The following PLXNA4 variants were observed in gnomAD, a reference collection of about 807,000 sequenced individuals.
PLXNA4 encodes plexin-A4.
Under a neutral mutation model 191.8 loss-of-function variants are expected in PLXNA4, and 44 were observed. The ratio of observed to expected loss-of-function variants is 0.23; its 90% CI spans 0.18 to 0.29. The LOEUF is 0.29. Ranked by LOEUF, PLXNA4 falls within the 10% of genes least tolerant of loss-of-function variation. The probability of loss-of-function intolerance (pLI) is 1.00; values close to 1 mark genes in which losing one functional copy is unlikely to be tolerated. For synonymous variants in PLXNA4, 1,082 were observed against 1,009.5 expected, an observed-to-expected ratio of 1.07 and a Z score of -1.36; for missense variants, 1,800 against 2,488.8, an observed-to-expected ratio of 0.72 and a Z score of 5.89.
At chr7:132,151,296 AGAAGGAGGAGGAAGAAG>A (rs1795597999) in intron 25 of PLXNA4, among the ~76,000 whole-genome samples, 4 of 55,522 alleles carry the variant, frequency 7.2e-5, no homozygotes, top group African/African-American at 1.9e-4. Flanking sequence ...AGGAGGAAGA[AGAAGGAGGAGGAAGAAG>A]GAGGAGGAGG....
chr7:132,491,784 C>G (rs1039349017), intron 2 of PLXNA4, among the ~76,000 whole-genome samples: 3 of 152,124 alleles, frequency 2.0e-5, no homozygotes, highest in African/African-American at 7.2e-5. Context: ...GTCAAATTTA[C>G]AAGGGAGTGT....
chr7:132,581,425 A>C (rs1465741592), upstream of PLXNA4, among the ~76,000 whole-genome samples: 1 of 152,128 alleles, frequency 6.6e-6, no homozygotes, highest in African/African-American at 2.4e-5. Flanking sequence ...CTCAGATAAA[A>C]CTTTGGCCAC....
intron 22 of PLXNA4, among the ~76,000 whole-genome samples, chr7:132,167,637 G>C (rs1047612645): frequency 6.6e-6 from 1 of 152,074 alleles, no homozygotes; most frequent in Non-Finnish European, 1.5e-5. Flanking sequence ...AGGGCTTAAA[G>C]GATCCTCCTA....
chr7:132,399,625 A>T (rs1479920432), intron 3 of PLXNA4, among the ~76,000 whole-genome samples: 1 of 152,242 alleles, frequency 6.6e-6, no homozygotes, highest in East Asian at 1.9e-4. Flanking sequence ...GCAGGGCTAC[A>T]GTGAGTTTGC....
chr7:132,263,196 G>A (rs1799716929), intron 4 of PLXNA4, among the ~76,000 whole-genome samples: 1 of 152,178 alleles, frequency 6.6e-6, no homozygotes, highest in Non-Finnish European at 1.5e-5. Context: ...AGTTGGCAGA[G>A]ATGCAAAATG....
In PLXNA4 at chr7:132,518,750, C is replaced by T. The variant is rs923256748; in HGVS notation, c.-86-9971G>A. Among the ~76,000 whole-genome samples, 7 of 152,316 alleles carry T rather than the reference C, an allele frequency of 4.6e-5. No homozygotes were observed. In the East Asian group the frequency reaches 9.7e-4, roughly 21 times the overall value. On this transcript the variant is annotated intron_variant, in intron 1 of 31. Coordinates refer to ENST00000321063, the MANE Select transcript of PLXNA4 (RefSeq NM_020911.2). ...GGACCCAGCCTGGAAGAAGCCTCTG[C>T]AGGAGGCTGAGCCTGTGAGCCTCTC...
At chr7:132,355,422 CA>C (rs1378930656) in intron 3 of PLXNA4, among the ~76,000 whole-genome samples, 6 of 152,204 alleles carry the variant, frequency 3.9e-5, no homozygotes, top group Non-Finnish European at 8.8e-5. Context: ...TCCCCCAGGA[CA>C]GCTGACGTCA....
At chr7:132,408,736 G>C (rs1036075361) in intron 3 of PLXNA4, among the ~76,000 whole-genome samples, 12 of 152,112 alleles carry the variant, frequency 7.9e-5, no homozygotes, top group Admixed American at 7.9e-4. Flanking sequence ...AAAGTGCTGG[G>C]ATTACAAGCA....
At chr7:132,557,114 C>A (rs1322710651) in intron 1 of PLXNA4, among the ~76,000 whole-genome samples, 1 of 152,180 alleles carries the variant, frequency 6.6e-6, no homozygotes, top group Non-Finnish European at 1.5e-5. Context: ...GGGGGCTGCC[C>A]AGAAACCCTG....
chr7:132,381,490 T>C (rs533863679), intron 3 of PLXNA4, among the ~76,000 whole-genome samples: 1 of 152,314 alleles, frequency 6.6e-6, no homozygotes, highest in South Asian at 2.1e-4. Context: ...AAGTGTGTAG[T>C]GCATCTCTAA....
chr7:132,168,705 G>C, intron 21 of PLXNA4, 133 bp from the exon 22 acceptor site: 3 of 1,299,366 alleles, frequency 2.3e-6, no homozygotes, highest in Non-Finnish European at 3.0e-6. Flanking sequence ...GGCTAATGCT[G>C]TCAAGCCCTT....
At chr7:132,517,889 C>T (rs1034449592) in intron 1 of PLXNA4, among the ~76,000 whole-genome samples, 1 of 152,208 alleles carries the variant, frequency 6.6e-6, no homozygotes, top group African/African-American at 2.4e-5. Flanking sequence ...CTTATTGATC[C>T]ATGCAAACAA....
At chr7:132,362,086 G>C (rs1424819241) in intron 3 of PLXNA4, among the ~76,000 whole-genome samples, 1 of 152,116 alleles carries the variant, frequency 6.6e-6, no homozygotes, top group East Asian at 1.9e-4. Flanking sequence ...GCCACCAGGG[G>C]TTCTCTTAAT....
intron 10 of PLXNA4, 71 bp from the exon 11 acceptor site, chr7:132,203,490 T>A: frequency 1.5e-6 from 2 of 1,360,238 alleles, no homozygotes; most frequent in Non-Finnish European, 2.1e-6. Context: ...GCCCAAATGA[T>A]CAGCCTACGG....
chr7:132,242,949 T>C (rs1200017582), intron 4 of PLXNA4, among the ~76,000 whole-genome samples: 1 of 152,222 alleles, frequency 6.6e-6, no homozygotes, highest in African/African-American at 2.4e-5. Context: ...CATGTAAGCA[T>C]ATAAATAGTG....
intron 5 of PLXNA4, among the ~76,000 whole-genome samples, chr7:132,239,526 A>C (rs763998786): frequency 3.3e-5 from 5 of 152,190 alleles, no homozygotes; most frequent in Non-Finnish European, 4.4e-5. Context: ...AGCAGAAAAC[A>C]GGGTAGTCAA....
At chr7:132,321,775 G>A (rs1441428755) in intron 3 of PLXNA4, among the ~76,000 whole-genome samples, 4 of 152,168 alleles carry the variant, frequency 2.6e-5, no homozygotes, top group African/African-American at 7.2e-5. Flanking sequence ...AGGCCCTTTG[G>A]AGAGGGCCAA....
chr7:132,359,011 T>C (rs1374562283), intron 3 of PLXNA4, among the ~76,000 whole-genome samples: 3 of 152,176 alleles, frequency 2.0e-5, no homozygotes, highest in Non-Finnish European at 4.4e-5. Context: ...TCAGACCACC[T>C]GGGCTCTAGA....
intron 4 of PLXNA4, among the ~76,000 whole-genome samples, chr7:132,259,482 G>GAAAAAAAA (rs1414792493): frequency 1.5e-4 from 17 of 111,370 alleles, no homozygotes; most frequent in South Asian, 3.1e-4. Context: ...AAGAAAAAAG[G>GAAAAAAAA]AAAAAAGAAA....
Sources: gnomAD v4.1 joint callset for allele counts (sites outside exome capture counted in the v4.1 genomes callset) on GRCh38, gnomAD v4.1.1 for gene constraint, MANE v1.5 for transcripts, NCBI Gene and HGNC (gene_info 2026-07-23, HGNC 2026-07-21) for gene names.